The following XRCC1 variants were observed in gnomAD, a reference collection of about 807,000 sequenced individuals.
XRCC1 encodes the protein DNA repair protein XRCC1.
A neutral mutation model predicts 83.3 loss-of-function variants in XRCC1; 52 were observed. The ratio of observed to expected loss-of-function variants is 0.62; its 90% confidence interval spans 0.50 to 0.79. The LOEUF (loss-of-function observed/expected upper bound fraction) is 0.79. Among genes scored for constraint, XRCC1 ranks in the 30% least tolerant of loss-of-function variants. XRCC1 has a pLI of 0.00. For synonymous variants in XRCC1, 281 were observed against 312.6 expected (o/e 0.90, Z 1.07); for missense variants, 793 against 823.5 (o/e 0.96, Z 0.45).
At chr19:43,548,786 A>AAAAAAAAAAAC (rs60152019) in intron 10 of XRCC1, among the ~76,000 whole-genome samples, 30 of 148,392 alleles carry the variant, frequency 2.0e-4, no homozygotes, top group Non-Finnish European at 1.6e-4. Context: ...AAAAAAAAAA[A>AAAAAAAAAAAC]CACAACAGTA....
At chr19:43,561,534 A>G (rs1972699014) in intron 2 of XRCC1, among the ~76,000 whole-genome samples, 1 of 152,178 alleles carries the variant, frequency 6.6e-6, no homozygotes, top group South Asian at 2.1e-4. Context: ...TTGGAGCCTC[A>G]GTTTTCTCAT....
chr19:43,551,770 G>T, intron 9 of XRCC1, 83 bp from the exon 10 acceptor site: 2 of 1,154,784 alleles, frequency 1.7e-6, no homozygotes, highest in East Asian at 2.3e-5. Context: ...CAGACAGAGA[G>T]AGAGAGAGAC....
chr19:43,547,486 T>A (rs1201926065), intron 10 of XRCC1, among the ~76,000 whole-genome samples: 1 of 63,790 alleles, frequency 1.6e-5, no homozygotes, highest in Non-Finnish European at 3.4e-5. Context: ...TCCTGGCCGC[T>A]TTTTTTTTTT....
intron 2 of XRCC1, among the ~76,000 whole-genome samples, chr19:43,570,613 A>C (rs1234260568): frequency 6.6e-6 from 1 of 152,146 alleles, no homozygotes; most frequent in Non-Finnish European, 1.5e-5. Context: ...GTGAGACCCC[A>C]TCTCTACGAA....
chr19:43,563,654 C>T (rs1005662343), intron 2 of XRCC1, among the ~76,000 whole-genome samples: 2 of 152,172 alleles, frequency 1.3e-5, no homozygotes, highest in African/African-American at 4.8e-5. Context: ...TGCCAATCCC[C>T]CTGCCTAGAC....
intron 3 of XRCC1, among the ~76,000 whole-genome samples, chr19:43,559,188 A>AT (rs990547049): frequency 1.3e-5 from 2 of 151,428 alleles, no homozygotes; most frequent in Non-Finnish European, 2.9e-5. Context: ...ACATATAAAA[A>AT]AGATACAGAA....
intron 3 of XRCC1, among the ~76,000 whole-genome samples, chr19:43,559,479 C>CAAAA (rs58121949): frequency 2.8e-4 from 16 of 56,510 alleles, no homozygotes; most frequent in South Asian, 9.8e-4. Context: ...GACTCCATCT[C>CAAAA]AAAAAAAAAA....
intron 4 of XRCC1, 150 bp downstream of exon 4, chr19:43,554,496 A>C: frequency 9.7e-7 from 1 of 1,032,454 alleles, no homozygotes; most frequent in East Asian, 2.6e-5. Context: ...TCCCAAACCC[A>C]TTTCAGGGAA....
chr19:43,564,775 C>T (rs955419020), intron 2 of XRCC1, among the ~76,000 whole-genome samples: 9 of 147,464 alleles, frequency 6.1e-5, no homozygotes, highest in African/African-American at 1.7e-4. Flanking sequence ...GCAAGAAGAG[C>T]GAAACTCCGT....
In XRCC1 at chr19:43,546,613, T is replaced by C. The variant is rs1972513247; in HGVS notation, c.1408A>G (p.Ile470Val). ...ASPVLQEDID[I>V]EGVQSEGQDN... ...GTCTGACCTGACTGTACCCCCTCAA[T>C]GTCTATATCTTCCTGGAGCACTGGT... The change falls in exon 12 of 17, where the codon ATT becomes GTT. Residue 470 changes from isoleucine (I) to valine (V), a missense_variant. Ile to Val is a conservative substitution (Grantham distance 29). Transcript: ENST00000262887. 2.5e-6 allele frequency: 4 copies of C among 1,609,988 alleles called. No homozygotes were observed. Among genetic ancestry groups the C allele is most frequent in the Non-Finnish European group, 3.4e-6 (4 of 1,178,842 alleles).
intron 10 of XRCC1, among the ~76,000 whole-genome samples, chr19:43,547,628 T>C (rs1260697016): frequency 6.6e-6 from 1 of 152,048 alleles, no homozygotes; most frequent in African/African-American, 2.4e-5. Flanking sequence ...ATTACAGGCA[T>C]GTGCCACCAC....
At chr19:43,553,177 G>T in intron 6 of XRCC1, 86 bp from the exon 7 acceptor site, 1 of 1,406,114 alleles carries the variant, frequency 7.1e-7, no homozygotes. Flanking sequence ...GAATATTGTT[G>T]CCAAAACCCA....
At chr19:43,561,074 T>G (rs1016395125) in intron 2 of XRCC1, 54 bp from the exon 3 acceptor site, 2 of 1,392,618 alleles carry the variant, frequency 1.4e-6, no homozygotes, top group African/African-American at 2.8e-5. Context: ...CTGGGCTCAC[T>G]GTGGGACCTC....
intron 6 of XRCC1, 52 bp downstream of exon 6, chr19:43,553,349 C>G (rs967244038): frequency 6.3e-7 from 1 of 1,577,348 alleles, no homozygotes; most frequent in Non-Finnish European, 8.7e-7. Flanking sequence ...CTCAGACCCA[C>G]GAGTCTAGGT....
At chr19:43,559,284 C>T (rs1972671654) in intron 3 of XRCC1, among the ~76,000 whole-genome samples, 1 of 151,600 alleles carries the variant, frequency 6.6e-6, no homozygotes, top group Admixed American at 6.6e-5. Context: ...GAGATCGAGA[C>T]CATCCTGGCT....
chr19:43,544,130 C>A lies in XRCC1; in HGVS notation c.1712+14G>T, dbSNP rs1344657990. On this transcript the variant is annotated intron_variant, in intron 15 of 16. Coordinates refer to ENST00000262887, the MANE Select transcript of XRCC1 (RefSeq NM_006297.3). ...TCCATCACCCCTTCCCCACCCCAGTCCCTGGAGACTCACCCATTGAAGGCT... is the reference window on the plus strand; with the variant it reads ...TCCATCACCCCTTCCCCACCCCAGTACCTGGAGACTCACCCATTGAAGGCT... 3 of 1,597,176 alleles carry A rather than the reference C, an allele frequency of 1.9e-6. No homozygotes were observed. The highest frequency in any genetic ancestry group is 2.6e-6 in the Non-Finnish European group (3 of 1,171,150).
intron 2 of XRCC1, among the ~76,000 whole-genome samples, chr19:43,568,729 G>A (rs1270787733): frequency 2.2e-5 from 3 of 135,458 alleles, no homozygotes; most frequent in African/African-American, 5.5e-5. Flanking sequence ...GTTGCATCAG[G>A]AGAGAAGAAT....
intron 10 of XRCC1, among the ~76,000 whole-genome samples, chr19:43,547,694 T>TTCATCACG (rs1334373795): frequency 1.3e-4 from 20 of 151,972 alleles, no homozygotes; most frequent in African/African-American, 4.8e-4. Context: ...CATACGAGGT[T>TTCATCACG]TCATCACGTT....
At chr19:43,559,938 A>C (rs1972679813) in intron 3 of XRCC1, among the ~76,000 whole-genome samples, 1 of 151,888 alleles carries the variant, frequency 6.6e-6, no homozygotes, top group East Asian at 1.9e-4. Context: ...AAAGCTAGCC[A>C]GGAGTGGTGG....
Sources: allele counts gnomAD v4.1 joint callset (sites outside exome capture counted in the v4.1 genomes callset), GRCh38; gene constraint gnomAD v4.1.1; transcripts MANE v1.5; gene names NCBI Gene and HGNC (gene_info 2026-07-23, HGNC 2026-07-21).